The following PGCKA1 variants were observed in gnomAD, a reference collection of about 807,000 sequenced individuals.
The protein encoded by PGCKA1 is PDCD10 and GCKIII kinases-associated protein 1.
the PGCKA1 span, among the ~76,000 whole-genome samples, chr4:37,527,974 G>A: frequency 1.3e-5 from 2 of 152,186 alleles, no homozygotes; most frequent in African/African-American, 4.8e-5. Context: ...TGGGTAGTAC[G>A]CTCTGTGATG....
chr4:37,460,764 A>G, the PGCKA1 span: 1 of 320,068 alleles, frequency 3.1e-6, no homozygotes, highest in South Asian at 2.5e-5. Flanking sequence ...GATTGCAAAA[A>G]TTTTCCTCCA....
chr4:37,473,060 C>T, the PGCKA1 span, among the ~76,000 whole-genome samples: 1 of 152,046 alleles, frequency 6.6e-6, no homozygotes, highest in African/African-American at 2.4e-5. Context: ...AAGACTGAAC[C>T]CTTCGTAAAG....
the PGCKA1 span, among the ~76,000 whole-genome samples, chr4:37,561,680 A>G: frequency 2.0e-5 from 3 of 152,204 alleles, no homozygotes; most frequent in African/African-American, 7.2e-5. Context: ...AATTCACTGT[A>G]GTTATGTTCT....
At chr4:37,533,794 A>C in the PGCKA1 span, among the ~76,000 whole-genome samples, 14 of 152,228 alleles carry the variant, frequency 9.2e-5, no homozygotes, top group Non-Finnish European at 1.9e-4. Flanking sequence ...ATGGAAGACA[A>C]ATCTATGTTC....
chr4:37,514,010 TA>T, the PGCKA1 span, among the ~76,000 whole-genome samples: 1 of 152,236 alleles, frequency 6.6e-6, no homozygotes, highest in African/African-American at 2.4e-5. Context: ...GCATAATTTA[TA>T]ATGAACAGAA....
At chr4:37,463,062 A>G in the PGCKA1 span, among the ~76,000 whole-genome samples, 1 of 151,682 alleles carries the variant, frequency 6.6e-6, no homozygotes, top group Non-Finnish European at 1.5e-5. Flanking sequence ...AAGAAAACTG[A>G]GGCCTAAAGA....
the PGCKA1 span, among the ~76,000 whole-genome samples, chr4:37,526,818 T>C: frequency 6.6e-6 from 1 of 152,214 alleles, no homozygotes; most frequent in Non-Finnish European, 1.5e-5. Flanking sequence ...ATGTATTTAC[T>C]ATGCTATACT....
chr4:37,487,914 T>C, the PGCKA1 span, among the ~76,000 whole-genome samples: 2 of 152,232 alleles, frequency 1.3e-5, no homozygotes, highest in African/African-American at 4.8e-5. Flanking sequence ...TGCTTAGTAG[T>C]ATTTCATTGT....
the PGCKA1 span, among the ~76,000 whole-genome samples, chr4:37,484,865 G>T: frequency 6.6e-6 from 1 of 152,176 alleles, no homozygotes; most frequent in Non-Finnish European, 1.5e-5. Context: ...CTCCATAACT[G>T]TGAGGAATAA....
the PGCKA1 span, among the ~76,000 whole-genome samples, chr4:37,545,675 G>A: frequency 2.6e-4 from 40 of 152,216 alleles, no homozygotes; most frequent in Admixed American, 1.0e-3. Flanking sequence ...GTAGTTGGAC[G>A]TGTTTGTCCT....
chr4:37,572,069 T>TTTTTTC, the PGCKA1 span, among the ~76,000 whole-genome samples: 9 of 111,716 alleles, frequency 8.1e-5, no homozygotes, highest in African/African-American at 1.8e-4. Flanking sequence ...TTTTCTTTTT[T>TTTTTTC]TTTTTTTTTT....
chr4:37,463,898 A>G, the PGCKA1 span, among the ~76,000 whole-genome samples: 2 of 152,178 alleles, frequency 1.3e-5, no homozygotes, highest in African/African-American at 4.8e-5. Context: ...AGAGTTAACT[A>G]GACAAACAAG....
chr4:37,466,683 G>C, the PGCKA1 span, among the ~76,000 whole-genome samples: 2 of 122,838 alleles, frequency 1.6e-5, no homozygotes, highest in African/African-American at 5.3e-5. Context: ...ACCAGTACCT[G>C]GTAATGGGAT....
the PGCKA1 span, among the ~76,000 whole-genome samples, chr4:37,467,003 C>T: frequency 6.6e-6 from 1 of 152,116 alleles, no homozygotes; most frequent in African/African-American, 2.4e-5. Context: ...GAGGCCGAGG[C>T]AGGAGAATCG....
the PGCKA1 span, among the ~76,000 whole-genome samples, chr4:37,508,976 C>G: frequency 1.3e-4 from 20 of 150,924 alleles, no homozygotes; most frequent in African/African-American, 4.6e-4. Flanking sequence ...GCACATGTTT[C>G]AGAGAGCAGG....
chr4:37,555,662 A>G, the PGCKA1 span, among the ~76,000 whole-genome samples: 1 of 152,176 alleles, frequency 6.6e-6, no homozygotes, highest in Admixed American at 6.5e-5. Context: ...CAAAGTCAAG[A>G]TAAGGATCCA....
chr4:37,460,480 C>T, the PGCKA1 span: 4 of 430,422 alleles, frequency 9.3e-6, no homozygotes, highest in Non-Finnish European at 4.6e-6. Context: ...CCTATTTCTC[C>T]ACAGCCTTGC....
chr4:37,501,860 TG>T, the PGCKA1 span, among the ~76,000 whole-genome samples: 1 of 152,150 alleles, frequency 6.6e-6, no homozygotes. Context: ...GTTCTTGCAG[TG>T]GTTCTTTCTC....
At chr4:37,557,492 T>G in the PGCKA1 span, among the ~76,000 whole-genome samples, 1 of 152,200 alleles carries the variant, frequency 6.6e-6, no homozygotes, top group Non-Finnish European at 1.5e-5. Flanking sequence ...TGGCGTCTGG[T>G]GAGGACCTGC....
Sources: allele counts gnomAD v4.1 joint callset (sites outside exome capture counted in the v4.1 genomes callset), GRCh38; gene constraint gnomAD v4.1.1; transcripts MANE v1.5; gene names NCBI Gene and HGNC (gene_info 2026-07-23, HGNC 2026-07-21).